The following RTN4 variants were observed in gnomAD, a reference collection of about 807,000 sequenced individuals.
RTN4 encodes the protein reticulon 4.
Under a neutral mutation model 90.4 loss-of-function variants are expected in RTN4, and 32 were observed. The observed-to-expected ratio is 0.35, with a 90% CI of 0.27 to 0.48. RTN4 has a LOEUF of 0.48. RTN4 is among the 20% of genes least tolerant of loss of function. The probability of loss-of-function intolerance (pLI) is 0.99; values close to 1 mark genes in which losing one functional copy is unlikely to be tolerated. For synonymous variants in RTN4, 629 were observed against 552.5 expected, an observed-to-expected ratio of 1.14 and a Z score of -1.94; for missense variants, 1,706 against 1,430.2, an observed-to-expected ratio of 1.19 and a Z score of -3.11.
At chr2:55,003,667 AC>A (rs1244812364) in intron 3 of RTN4, among the ~76,000 whole-genome samples, 1 of 152,222 alleles carries the variant, frequency 6.6e-6, no homozygotes, top group African/African-American at 2.4e-5. Flanking sequence ...TGCAGGTTCC[AC>A]ATCTGCGGAT....
chr2:54,974,500 C>T (rs1677441666), intron 6 of RTN4, among the ~76,000 whole-genome samples, 195 bp downstream of exon 6: 2 of 152,222 alleles, frequency 1.3e-5, no homozygotes, highest in African/African-American at 4.8e-5. Context: ...AGGCTGGTCT[C>T]GAACTCCTGG....
intron 1 of RTN4, among the ~76,000 whole-genome samples, chr2:55,040,012 G>T (rs954030320): frequency 7.9e-5 from 12 of 152,158 alleles, no homozygotes; most frequent in African/African-American, 2.9e-4. Flanking sequence ...GGGTAAATGA[G>T]AAGGTATGTT....
chr2:55,028,283 T>A (rs1682058022), intron 1 of RTN4, 63 bp from the exon 2 acceptor site: 2 of 1,445,248 alleles, frequency 1.4e-6, no homozygotes, highest in Admixed American at 3.8e-5. Flanking sequence ...AGACTAAAGA[T>A]AAGAGGAGCA....
intron 3 of RTN4, among the ~76,000 whole-genome samples, chr2:54,991,364 T>C (rs1471123638): frequency 6.6e-6 from 1 of 152,232 alleles, no homozygotes; most frequent in African/African-American, 2.4e-5. Flanking sequence ...GTAGTGACTA[T>C]ATATGAATTA....
chr2:54,973,747 A>C, intron 7 of RTN4, 74 bp downstream of exon 7: 1 of 1,513,688 alleles, frequency 6.6e-7, no homozygotes, highest in African/African-American at 1.4e-5. Flanking sequence ...GAAAATGGGC[A>C]CTAATACATC....
upstream of RTN4, among the ~76,000 whole-genome samples, chr2:55,117,425 C>A (rs141935294): frequency 3.3e-3 from 496 of 152,288 alleles, 2 homozygotes; most frequent in African/African-American, 0.011. Context: ...ACAGCTAGAG[C>A]CCTGGAGCAG....
rs10205494 is a variant in RTN4 at position 55,016,301 on chromosome 2, G to A, written c.3013+8785C>T. On this transcript the variant is annotated intron_variant, in intron 3 of 8. Coordinates refer to ENST00000337526, the MANE Select transcript of RTN4 (RefSeq NM_020532.5). ...TACATTCTTAAAAATACACATATGCGGCCAGGTGCGCTGGTTCATGCCTTT... is the reference window on the plus strand; with the variant it reads ...TACATTCTTAAAAATACACATATGCAGCCAGGTGCGCTGGTTCATGCCTTT... 5.0e-3 allele frequency among the ~76,000 whole-genome samples: 761 copies of A among 152,124 alleles called. 7 individuals are homozygous for A. Among genetic ancestry groups the A allele is most frequent in the African/African-American group, 0.017 (703 of 41,468 alleles).
intron 3 of RTN4, among the ~76,000 whole-genome samples, chr2:55,005,516 A>G (rs2104767011): frequency 6.6e-6 from 1 of 152,324 alleles, no homozygotes; most frequent in South Asian, 2.1e-4. Context: ...ACTGATGAAA[A>G]TAACAATTTG....
In RTN4 at chr2:55,025,069, C is replaced by A. The variant is rs1460379490; in HGVS notation, c.3013+17G>T. On this transcript the variant is annotated intron_variant, in intron 3 of 8. Transcript: ENST00000337526. ...AAAGTGGCATGAAAGCACAAAACTG[C>A]ATATAGATTGGATTACCTGAAGTTT... 2 of 1,577,782 alleles carry A rather than the reference C, an allele frequency of 1.3e-6. No homozygotes were observed. The highest frequency in any genetic ancestry group is 1.7e-6 in the Non-Finnish European group (2 of 1,163,796).
chr2:55,094,382 C>G (rs1668996108), intron 1 of RTN4, among the ~76,000 whole-genome samples: 1 of 152,136 alleles, frequency 6.6e-6, no homozygotes, highest in Non-Finnish European at 1.5e-5. Flanking sequence ...GTGACAGTCG[C>G]CAAGCTGACA....
chr2:55,059,868 G>C lies in RTN4; in HGVS notation c.-63+20621C>G, dbSNP rs570023539. The stretch of plus-strand genomic sequence containing the variant: ...AGAGAGAGAAAGAGAGAGAGAGATG[G>C]GGTTTCACCATGTTGCCCAAGCTGG... On this transcript the variant is annotated intron_variant, in intron 2 of 3. Transcript: ENST00000427710. 1.6e-4 allele frequency among the ~76,000 whole-genome samples: 24 copies of C among 151,948 alleles called. 1 individual carries two copies. Among genetic ancestry groups the C allele is most frequent in the Non-Finnish European group, 2.8e-4 (19 of 67,966 alleles).
In RTN4 at chr2:54,987,309, C is replaced by A. The variant is rs566452104; in HGVS notation, c.3221+182G>T. Among the ~76,000 whole-genome samples the A allele has an allele frequency of 1.1e-4, 16 of 152,292 alleles. No homozygotes were observed. In the South Asian group the frequency reaches 3.3e-3, roughly 32 times the overall value. ...CATAAACAGTCTCCTCCATCATGAGCCTTTAAAACGACTTTTAGAAAATCT... is the reference window on the plus strand; with the variant it reads ...CATAAACAGTCTCCTCCATCATGAGACTTTAAAACGACTTTTAGAAAATCT... On this transcript the variant is annotated intron_variant, in intron 4 of 8. Transcript: ENST00000337526.
In RTN4 at chr2:55,025,390, G is replaced by A. The variant is rs1048202; in HGVS notation, c.2709C>T (p.Ala903=). The A allele has an allele frequency of 9.3e-6, 15 of 1,613,732 alleles. No individual in the cohort carries two copies. The East Asian group carries it at 3.3e-4, about 36-fold the overall frequency. The change falls in exon 3 of 9, where the codon GCC becomes GCT. Residue 903 remains alanine, a synonymous_variant. Coordinates refer to ENST00000337526, the MANE Select transcript of RTN4 (RefSeq NM_020532.5). Reference sequence around the variant, plus strand: ...AAGGCAATGACCCAGCTCCATCCGGGGCATTAGCAATTTCACTTTTGTGGG... The same window carrying A: ...AAGGCAATGACCCAGCTCCATCCGGAGCATTAGCAATTTCACTTTTGTGGG... ...EVSHKSEIAN[A]PDGAGSLPCT... is the part of the protein sequence containing the mutation.
At chr2:55,027,749 A>G (rs1446295075) in intron 2 of RTN4, among the ~76,000 whole-genome samples, 1 of 152,218 alleles carries the variant, frequency 6.6e-6, no homozygotes, top group East Asian at 1.9e-4. Context: ...CTCAAATGTT[A>G]TCAACTAAGA....
At chr2:54,989,851 G>A (rs1474978291) in intron 3 of RTN4, among the ~76,000 whole-genome samples, 2 of 152,198 alleles carry the variant, frequency 1.3e-5, no homozygotes, top group African/African-American at 4.8e-5. Context: ...AGGCCTAACT[G>A]TAAGCATCTT....
At chr2:55,119,910 C>T in the RTN4 span, among the ~76,000 whole-genome samples, 1 of 152,238 alleles carries the variant, frequency 6.6e-6, no homozygotes, top group African/African-American at 2.4e-5. Flanking sequence ...TTCTCCTTCT[C>T]TCAGCTGCTC....
rs1681908152 is a variant in RTN4, at chr2:55,026,705, G to A, written c.1394C>T (p.Ala465Val). 1 of 1,613,748 alleles carries A rather than the reference G, an allele frequency of 6.2e-7. No homozygotes were observed. Among genetic ancestry groups the A allele is most frequent in the Non-Finnish European group, 8.5e-7 (1 of 1,179,892 alleles). The change falls in exon 3 of 9, where the codon GCT becomes GTT. Residue 465 changes from alanine (A) to valine (V), a missense_variant. Coordinates refer to ENST00000337526, the MANE Select transcript of RTN4 (RefSeq NM_020532.5). Reference sequence around the variant, plus strand: ...CTCAGTTGCTGCTGGGTTAAAGGGAGCACATGTGATATATGCTCCTGAACG... The same window carrying A: ...CTCAGTTGCTGCTGGGTTAAAGGGAACACATGTGATATATGCTCCTGAACG... ...KDRSGAYITC[A>V]PFNPAATESI...
rs201797895 is a variant in RTN4, at chr2:54,973,854, G to C, written c.3444C>G (p.Leu1148=). ...GTTCATAAATAACAGGAACACTGAAGAGTGAAATGAGAGCTGAAAAGGGAA... is the reference window on the plus strand; with the variant it reads ...GTTCATAAATAACAGGAACACTGAACAGTGAAATGAGAGCTGAAAAGGGAA... ...LTLLILALIS[L]FSVPVIYERH... The change falls in exon 7 of 9, where the codon CTC becomes CTG. Residue 1148 remains leucine (L), a synonymous_variant. Transcript: ENST00000337526. 51 of 1,612,702 alleles carry C rather than the reference G, an allele frequency of 3.2e-5. No homozygotes were observed. The highest frequency in any genetic ancestry group is 4.2e-5 in the Non-Finnish European group (49 of 1,179,496).
intron 3 of RTN4, among the ~76,000 whole-genome samples, chr2:55,000,835 G>A (rs191149227): frequency 6.6e-6 from 1 of 152,178 alleles, no homozygotes; most frequent in East Asian, 1.9e-4. Context: ...AATTGAGACA[G>A]GAGACACAAT....
Sources: allele counts gnomAD v4.1 joint callset (sites outside exome capture counted in the v4.1 genomes callset), GRCh38; gene constraint gnomAD v4.1.1; transcripts MANE v1.5; gene names NCBI Gene and HGNC (gene_info 2026-07-23, HGNC 2026-07-21).